CTNNA3: variants seen among roughly 807,000 people sequenced by gnomAD.
CTNNA3 encodes the protein catenin alpha-3.
Under a neutral mutation model 95.7 loss-of-function variants are expected in CTNNA3, and 76 were observed. The ratio of observed to expected loss-of-function variants is 0.79; its 90% CI spans 0.66 to 0.96. The LOEUF (loss-of-function observed/expected upper bound fraction) is 0.96. Among genes scored for constraint, CTNNA3 ranks in the 40% least tolerant of loss-of-function variants. The probability of loss-of-function intolerance (pLI) is 0.00; values close to 1 mark genes in which losing one functional copy is unlikely to be tolerated. For synonymous variants in CTNNA3, 431 were observed against 374.4 expected, an observed-to-expected ratio of 1.15 and a Z score of -1.74; for missense variants, 1,191 against 1,089.8, an observed-to-expected ratio of 1.09 and a Z score of -1.31.
intron 11 of CTNNA3, among the ~76,000 whole-genome samples, chr10:66,497,478 T>C (rs1840136214): frequency 1.3e-5 from 2 of 151,818 alleles, no homozygotes; most frequent in African/African-American, 2.4e-5. Flanking sequence ...ATGAAAAAGA[T>C]AGGAAACAAC....
chr10:67,541,953 C>CA (rs1323615284), intron 3 of CTNNA3, among the ~76,000 whole-genome samples: 1 of 151,942 alleles, frequency 6.6e-6, no homozygotes, highest in African/African-American at 2.4e-5. Flanking sequence ...AAATATATAT[C>CA]AAAAAATTAT....
At chr10:66,260,227 T>C (rs1408516932) in intron 13 of CTNNA3, among the ~76,000 whole-genome samples, 1 of 152,140 alleles carries the variant, frequency 6.6e-6, no homozygotes, top group Non-Finnish European at 1.5e-5. Context: ...AATAGACCCT[T>C]TCACAAGATA....
In CTNNA3 at chr10:66,520,700, T is replaced by C. The variant is rs200282168; in HGVS notation, c.1448A>G (p.Lys483Arg). Residue 483 changes from lysine to arginine, a missense_variant, in exon 11 of 18, where the codon AAG (lysine) becomes AGG (arginine). By Grantham distance (26) the Lys-to-Arg change is conservative (BLOSUM62 2). Transcript: ENST00000433211. ...QAVKNTMEMY[K>R]RTWENHIHVL... is the part of the protein sequence containing the mutation. ...ATGTATATGATTCTCCCATGTACGC[T>C]TGTACATTTCCATGGTGTTTTTGAC... 1.1e-5 allele frequency: 18 copies of C among 1,611,840 alleles called. No homozygotes were observed. Among genetic ancestry groups the C allele is most frequent in the Non-Finnish European group, 1.5e-5 (18 of 1,178,770 alleles).
At chr10:66,659,668 G>T (rs944150082) in intron 9 of CTNNA3, among the ~76,000 whole-genome samples, 2 of 152,092 alleles carry the variant, frequency 1.3e-5, no homozygotes, top group African/African-American at 4.8e-5. Flanking sequence ...TCATGAATGG[G>T]ATTAGTGGCT....
At chr10:67,085,943 C>T (rs574441561) in intron 7 of CTNNA3, among the ~76,000 whole-genome samples, 1 of 151,960 alleles carries the variant, frequency 6.6e-6, no homozygotes, top group African/African-American at 2.4e-5. Flanking sequence ...CTCATAGCAA[C>T]AGCAGAAGAT....
intron 7 of CTNNA3, among the ~76,000 whole-genome samples, chr10:67,147,727 C>G (rs1589794908): frequency 6.6e-6 from 1 of 152,222 alleles, no homozygotes; most frequent in African/African-American, 2.4e-5. Flanking sequence ...TTCTCATAAT[C>G]AGGCTCTTTT....
intron 1 of CTNNA3, among the ~76,000 whole-genome samples, chr10:67,706,947 C>T (rs1217688592): frequency 1.3e-5 from 2 of 152,132 alleles, no homozygotes; most frequent in African/African-American, 4.8e-5. Context: ...GTCTCTCAAA[C>T]CTATTTTTCT....
rs149090890 is a variant in CTNNA3 at position 66,062,710 on chromosome 10, A to G, written c.2159+6598T>C. On this transcript the variant is annotated intron_variant, in intron 15 of 17. Transcript: ENST00000433211. Reference sequence around the variant, plus strand: ...AGAGATTATCAGAGTCTAAAATTCAATTTTACTACCCTTCCTTTATTGCAG... The same window carrying G: ...AGAGATTATCAGAGTCTAAAATTCAGTTTTACTACCCTTCCTTTATTGCAG... 4.3e-4 allele frequency among the ~76,000 whole-genome samples: 66 copies of G among 152,244 alleles called. No individual in the cohort carries two copies. In the East Asian group the frequency reaches 0.012, roughly 28 times the overall value.
At chr10:66,980,441 C>T (rs536662545) in intron 7 of CTNNA3, among the ~76,000 whole-genome samples, 114 of 144,028 alleles carry the variant, frequency 7.9e-4, no homozygotes, top group African/African-American at 2.9e-3. Flanking sequence ...ACAGCTGTCA[C>T]TGGCCTTTTC....
intron 17 of CTNNA3, among the ~76,000 whole-genome samples, chr10:65,966,165 A>C (rs529272349): frequency 2.0e-5 from 3 of 152,318 alleles, no homozygotes; most frequent in South Asian, 4.1e-4. Context: ...GAAATGAAAA[A>C]TCTCAAGACA....
At chr10:67,047,471 G>T (rs1172502144) in intron 7 of CTNNA3, among the ~76,000 whole-genome samples, 1 of 152,108 alleles carries the variant, frequency 6.6e-6, no homozygotes, top group African/African-American at 2.4e-5. Flanking sequence ...GAAAGTAAGA[G>T]TGTTACTGCA....
chr10:67,514,918 G>A (rs10997688), intron 5 of CTNNA3, among the ~76,000 whole-genome samples: 18,434 of 152,024 alleles, frequency 0.12, 2,383 homozygotes, highest in African/African-American at 0.33. Flanking sequence ...ATCAGCTAAC[G>A]CTTGACTCAA....
At chr10:66,108,979 T>G (rs2082014791) in intron 13 of CTNNA3, among the ~76,000 whole-genome samples, 1 of 152,032 alleles carries the variant, frequency 6.6e-6, no homozygotes, top group African/African-American at 2.4e-5. Flanking sequence ...TAGAGAAAGG[T>G]TTTCCATAAG....
intron 7 of CTNNA3, among the ~76,000 whole-genome samples, chr10:67,014,738 GTTTC>G (rs2133051585): frequency 6.6e-6 from 1 of 151,816 alleles, no homozygotes; most frequent in Admixed American, 6.6e-5. Flanking sequence ...GTTTCAGAAA[GTTTC>G]ACTTTAAGTC....
rs142816718 is a variant in CTNNA3, at chr10:67,583,700, C to T, written c.292+23157G>A. On this transcript the variant is annotated intron_variant, in intron 3 of 17. Coordinates refer to ENST00000433211, the MANE Select transcript of CTNNA3 (RefSeq NM_013266.4). ...CCCCGTCACTTTCAGGTACACCAAT[C>T]AGACGTAGATGTGGTCTTTTCACAT... Among the ~76,000 whole-genome samples, 177 of 152,326 alleles carry T rather than the reference C, an allele frequency of 1.2e-3. 1 individual carries two copies. The highest frequency in any genetic ancestry group is 4.2e-3 in the African/African-American group (173 of 41,576).
intron 5 of CTNNA3, among the ~76,000 whole-genome samples, chr10:67,302,083 GAAAGAAAGAA>G (rs1564548560): frequency 8.4e-6 from 1 of 119,336 alleles, no homozygotes; most frequent in Non-Finnish European, 1.9e-5. Flanking sequence ...AAGAAAGAAA[GAAAGAAAGAA>G]AGAAAATCCT....
chr10:67,688,110 G>A (rs903189597), intron 1 of CTNNA3, among the ~76,000 whole-genome samples: 7 of 152,152 alleles, frequency 4.6e-5, no homozygotes, highest in Non-Finnish European at 1.0e-4. Flanking sequence ...GAGGTCAAAG[G>A]TTTGCCCTAG....
At chr10:66,692,702 C>A (rs191197719) in intron 9 of CTNNA3, among the ~76,000 whole-genome samples, 66 of 152,198 alleles carry the variant, frequency 4.3e-4, no homozygotes, top group Non-Finnish European at 8.2e-4. Context: ...ATGTTAAGGG[C>A]AGCCAGAGAG....
intron 3 of CTNNA3, among the ~76,000 whole-genome samples, chr10:67,602,111 T>C (rs1201990570): frequency 5.9e-5 from 9 of 152,046 alleles, no homozygotes; most frequent in Admixed American, 5.9e-4. Flanking sequence ...ACTCTCAATA[T>C]ATTTTCACTT....
Sources: gnomAD v4.1 joint callset for allele counts (sites outside exome capture counted in the v4.1 genomes callset) on GRCh38, gnomAD v4.1.1 for gene constraint, MANE v1.5 for transcripts, NCBI Gene and HGNC (gene_info 2026-07-23, HGNC 2026-07-21) for gene names.